DPP6: variants seen among roughly 807,000 people sequenced by gnomAD.
The protein encoded by DPP6 is dipeptidyl peptidase like 6, also known as A-type potassium channel modulatory protein DPP6.
In DPP6, 69 loss-of-function variants were observed where a neutral mutation model predicts 122.6. The observed-to-expected ratio is 0.56, with a 90% CI of 0.46 to 0.69. DPP6 has a LOEUF of 0.69. DPP6 is among the 30% of genes least tolerant of loss of function. DPP6 has a pLI of 0.00. For missense variants in DPP6, 928 were observed against 1,116.9 expected (o/e 0.83, Z 2.41); for synonymous variants, 418 against 433.1 (o/e 0.97, Z 0.43).
At chr7:153,880,994 C>T in the DPP6 span, among the ~76,000 whole-genome samples, 21 of 152,326 alleles carry the variant, frequency 1.4e-4, no homozygotes, top group African/African-American at 4.8e-4. Flanking sequence ...TTCTTGGATA[C>T]ATGCTTCATT....
At chr7:154,157,452 T>C (rs1796743085) in intron 1 of DPP6, among the ~76,000 whole-genome samples, 1 of 152,218 alleles carries the variant, frequency 6.6e-6, no homozygotes, top group Admixed American at 6.5e-5. Context: ...CATTGTCTTT[T>C]TCAAAGTAAT....
At chr7:153,997,749 G>A (rs1374848801) in intron 1 of DPP6, among the ~76,000 whole-genome samples, 8 of 147,766 alleles carry the variant, frequency 5.4e-5, no homozygotes, top group Admixed American at 1.3e-4. Flanking sequence ...GCTCCTAGAC[G>A]TCTACTACAT....
chr7:154,117,483 A>T (rs1807076563), intron 1 of DPP6, among the ~76,000 whole-genome samples: 1 of 152,120 alleles, frequency 6.6e-6, no homozygotes, highest in Admixed American at 6.5e-5. Flanking sequence ...TGCCATTCTT[A>T]CCTCACTGTA....
intron 1 of DPP6, among the ~76,000 whole-genome samples, chr7:154,148,002 T>C (rs1796201367): frequency 6.6e-6 from 1 of 150,810 alleles, no homozygotes; most frequent in Non-Finnish European, 1.5e-5. Flanking sequence ...CCGATCACAC[T>C]TGTCCCAGGT....
the DPP6 span, among the ~76,000 whole-genome samples, chr7:153,774,719 C>T: frequency 6.6e-6 from 1 of 152,066 alleles, no homozygotes; most frequent in Non-Finnish European, 1.5e-5. Context: ...AATCCTGACT[C>T]TTTGGGAGGC....
At chr7:154,321,392 G>A (rs978036605) in intron 1 of DPP6, among the ~76,000 whole-genome samples, 1 of 152,130 alleles carries the variant, frequency 6.6e-6, no homozygotes, top group Non-Finnish European at 1.5e-5. Flanking sequence ...CACAGCTGGA[G>A]TTGAAGAGGA....
At chr7:153,892,338 G>A (rs944332897) in intron 1 of DPP6, among the ~76,000 whole-genome samples, 1 of 151,776 alleles carries the variant, frequency 6.6e-6, no homozygotes, top group Admixed American at 6.6e-5. Context: ...TTCTGAGATG[G>A]AGTCTCACTC....
In DPP6 at chr7:154,574,841, G is replaced by A. The variant is rs1280857647; in HGVS notation, c.627+7925G>A. Reference sequence around the variant, plus strand: ...TGTTTGTGTGGTGTGTGGGGTGTACGTGTGTGATGTGTGTGGTGTGTGTGT... The same window carrying A: ...TGTTTGTGTGGTGTGTGGGGTGTACATGTGTGATGTGTGTGGTGTGTGTGT... On this transcript the variant is annotated intron_variant, in intron 5 of 25. Coordinates refer to ENST00000377770, the MANE Select transcript of DPP6 (RefSeq NM_130797.4). Among the ~76,000 whole-genome samples, 48 of 128,492 alleles carry A rather than the reference G, an allele frequency of 3.7e-4. 2 individuals are homozygous for A. The South Asian group carries it at 0.013, about 35-fold the overall frequency. 84.3% of individuals were successfully genotyped at this position (128,492 alleles called of 152,430 possible). A position where few individuals can be genotyped will look rare whatever the true frequency, so the allele number is the denominator to read the frequency against.
the DPP6 span, among the ~76,000 whole-genome samples, chr7:153,804,568 G>A: frequency 0.092 from 13,988 of 152,102 alleles, 827 homozygotes; most frequent in African/African-American, 0.17. Flanking sequence ...AAAAATATTA[G>A]GATGGTGCAA....
rs1554436897 is a variant in DPP6, at chr7:154,023,318, G to GCACACACACACACACACA, written c.51+135610_51+135627dup. On this transcript the variant is annotated intron_variant, in intron 1 of 25. Transcript: ENST00000404039. ...CAGGCTCTGGAAATGTTTCTTGTCT[G>GCACACACACACACACACA]CACACACACACACACACACACACAC... is the stretch of plus-strand genomic sequence containing the variant. Among the ~76,000 whole-genome samples the GCACACACACACACACACA allele has an allele frequency of 6.5e-4, 84 of 129,608 alleles. 2 individuals are homozygous for GCACACACACACACACACA. The highest frequency in any genetic ancestry group is 1.5e-3 in the African/African-American group (47 of 31,170). The allele number at this position is 129,608 out of a possible 152,430, so 85.0% of individuals were successfully genotyped here.
intron 1 of DPP6, among the ~76,000 whole-genome samples, chr7:153,989,249 C>T (rs371750384): frequency 7.0e-4 from 87 of 123,972 alleles, no homozygotes; most frequent in Admixed American, 1.1e-3. Flanking sequence ...GTGTGTGTCA[C>T]TGAGTGGGCG....
intron 1 of DPP6, among the ~76,000 whole-genome samples, chr7:153,910,640 C>A (rs117386340): frequency 6.6e-6 from 1 of 152,146 alleles, no homozygotes; most frequent in Non-Finnish European, 1.5e-5. Context: ...TCACCTCTCA[C>A]GTGCCTAATG....
intron 1 of DPP6, among the ~76,000 whole-genome samples, chr7:154,127,656 C>CAA: frequency 6.7e-6 from 1 of 149,906 alleles, no homozygotes; most frequent in East Asian, 2.0e-4. Context: ...CACACAGACA[C>CAA]ACACACACAC....
At chr7:154,232,732 C>T (rs568924873) in intron 1 of DPP6, among the ~76,000 whole-genome samples, 2 of 152,202 alleles carry the variant, frequency 1.3e-5, no homozygotes, top group Non-Finnish European at 2.9e-5. Flanking sequence ...ACCTGCGGAG[C>T]TCACATCAGG....
chr7:154,330,200 T>G (rs1808798290), intron 1 of DPP6, among the ~76,000 whole-genome samples: 1 of 152,144 alleles, frequency 6.6e-6, no homozygotes, highest in African/African-American at 2.4e-5. Context: ...AAGTAAAAAT[T>G]TTTAAACATG....
chr7:154,098,981 A>C (rs995752020), intron 1 of DPP6, among the ~76,000 whole-genome samples: 7 of 152,224 alleles, frequency 4.6e-5, no homozygotes, highest in Non-Finnish European at 7.3e-5. Context: ...AGAGCCTTTA[A>C]ATTTGTTTTG....
intron 1 of DPP6, among the ~76,000 whole-genome samples, chr7:154,228,824 T>G (rs1410997606): frequency 6.6e-6 from 1 of 152,192 alleles, no homozygotes; most frequent in Non-Finnish European, 1.5e-5. Context: ...CCTAAAGAAC[T>G]GAGGGTCCCT....
chr7:154,125,452 GA>G (rs1306880334), intron 1 of DPP6, among the ~76,000 whole-genome samples: 1 of 152,176 alleles, frequency 6.6e-6, no homozygotes, highest in Non-Finnish European at 1.5e-5. Flanking sequence ...GAAACATAAT[GA>G]AATGATGTGT....
chr7:153,835,380 G>A, the DPP6 span, among the ~76,000 whole-genome samples: 5 of 151,654 alleles, frequency 3.3e-5, no homozygotes, highest in Admixed American at 6.6e-5. Context: ...TACCACTGGC[G>A]GTTTTATGAC....
Sources: allele counts gnomAD v4.1 joint callset (sites outside exome capture counted in the v4.1 genomes callset), GRCh38; gene constraint gnomAD v4.1.1; transcripts MANE v1.5; gene names NCBI Gene and HGNC (gene_info 2026-07-23, HGNC 2026-07-21).